Variants in HMGCS1 observed in about 807,000 individuals in gnomAD.
HMGCS1 encodes hydroxymethylglutaryl-CoA synthase, cytoplasmic.
Under a neutral mutation model 52.3 loss-of-function variants are expected in HMGCS1, and 9 were observed. That is an observed-to-expected ratio of 0.17 (90% CI 0.10 to 0.30). HMGCS1 has a LOEUF of 0.30. HMGCS1 is among the 10% of genes least tolerant of loss of function. The pLI is 1.00. For synonymous variants in HMGCS1, 176 were observed against 214.4 expected, an observed-to-expected ratio of 0.82 and a Z score of 1.57; for missense variants, 320 against 620.9, an observed-to-expected ratio of 0.52 and a Z score of 5.15.
chr5:43,306,794 GC>G (rs1195980545), intron 2 of HMGCS1, among the ~76,000 whole-genome samples: 1 of 152,162 alleles, frequency 6.6e-6, no homozygotes, highest in Non-Finnish European at 1.5e-5. Context: ...TAAACAAGGA[GC>G]TTTTGGAGAG....
At chr5:43,300,162 TC>T (rs1754242650) in intron 2 of HMGCS1, among the ~76,000 whole-genome samples, 1 of 152,202 alleles carries the variant, frequency 6.6e-6, no homozygotes, top group African/African-American at 2.4e-5. Flanking sequence ...AGTACTTCCA[TC>T]AGCCCTCTAA....
Position 43,298,597 on chromosome 5 carries a change from G to A in HMGCS1, c.369C>T (p.Ile123=), listed in dbSNP as rs763991747. The A allele has an allele frequency of 1.5e-5, 25 of 1,614,060 alleles. No individual in the cohort carries two copies. The South Asian group carries it at 2.0e-4, about 13-fold the overall frequency. Residue 123 remains isoleucine (I), a synonymous_variant, in exon 3 of 11, where the codon ATC becomes ATT. Coordinates refer to ENST00000325110, the MANE Select transcript of HMGCS1 (RefSeq NM_001098272.3). This position sits in a 1 kb window ranked among gnomAD's most constrained non-coding sequence, Gnocchi z 5.6. ...CTCCATAGCATGCATTAGTTGTGTCGATTCCTTCTATATCTGTATTCCCAG... is the reference window on the plus strand; with the variant it reads ...CTCCATAGCATGCATTAGTTGTGTCAATTCCTTCTATATCTGTATTCCCAG... The part of the protein sequence containing the change: ...EESGNTDIEG[I]DTTNACYGGT...
At chr5:43,303,979 T>C (rs1046586056) in intron 2 of HMGCS1, among the ~76,000 whole-genome samples, 1 of 152,232 alleles carries the variant, frequency 6.6e-6, no homozygotes, top group African/African-American at 2.4e-5. Flanking sequence ...TCTACATCCA[T>C]CCTCACTCTG....
chr5:43,291,309 T>A (rs1753755431), intron 10 of HMGCS1, 89 bp from the exon 11 acceptor site: 4 of 820,428 alleles, frequency 4.9e-6, no homozygotes, highest in African/African-American at 1.7e-5. Context: ...TAAAGAAACT[T>A]AATAAAGGAC....
In HMGCS1 at chr5:43,295,612, G is replaced by A. The variant is rs904664946; in HGVS notation, c.905+140C>T. 4.9e-6 allele frequency: 3 copies of A among 608,916 alleles called. No homozygotes were observed. The African/African-American group carries it at 5.4e-5, about 11-fold the overall frequency. 37.7% of individuals were successfully genotyped at this position (608,916 alleles called of 1,614,324 possible). ...CCTCTCTGGACTTAGATTCTTCACT[G>A]ACTGAGACACACAGATTAGACTGGA... On this transcript the variant is annotated intron_variant, in intron 6 of 10. Transcript: ENST00000325110.
chr5:43,305,238 G>A lies in HMGCS1; in HGVS notation c.-11+2528C>T, dbSNP rs966719094. ...TGACCTCAAGTGATCCACCCGCCTCGGCCTCCCGAAGTGCTGGGATTACAG... is the reference window on the plus strand; with the variant it reads ...TGACCTCAAGTGATCCACCCGCCTCAGCCTCCCGAAGTGCTGGGATTACAG... On this transcript the variant is annotated intron_variant, in intron 2 of 10. Transcript: ENST00000325110. Among the ~76,000 whole-genome samples the A allele has an allele frequency of 5.9e-4, 90 of 151,924 alleles. 2 individuals are homozygous for A. Among genetic ancestry groups the A allele is most frequent in the Non-Finnish European group, 2.2e-4 (15 of 67,960 alleles).
At chr5:43,296,942 C>A in intron 5 of HMGCS1, 60 bp downstream of exon 5, 2 of 1,318,578 alleles carry the variant, frequency 1.5e-6, no homozygotes, top group Non-Finnish European at 2.1e-6. Context: ...ACCAAAGATA[C>A]CTAGTACATT....
At chr5:43,301,050 C>T (rs1716762054) in intron 2 of HMGCS1, among the ~76,000 whole-genome samples, 1 of 152,160 alleles carries the variant, frequency 6.6e-6, no homozygotes, top group African/African-American at 2.4e-5. Flanking sequence ...TGGAGAACTA[C>T]CTAACCCAGC....
At position 43,291,085 on chromosome 5, in the gene HMGCS1, A is replaced by ACCCCCAAACCCCCCC; in HGVS notation, c.*45_*46insGGGGGGGTTTGGGGG. 5.8e-6 allele frequency: 3 copies of ACCCCCAAACCCCCCC among 514,252 alleles called. No homozygotes were observed. Among genetic ancestry groups the ACCCCCAAACCCCCCC allele is most frequent in the East Asian group, 4.5e-5 (1 of 21,994 alleles). The allele number at this position is 514,252 out of a possible 1,614,324, so 31.9% of individuals were successfully genotyped here. On this transcript the variant is annotated 3_prime_UTR_variant, in exon 11 of 11. Coordinates refer to ENST00000325110, the MANE Select transcript of HMGCS1 (RefSeq NM_001098272.3). Reference sequence around the variant, plus strand: ...TTCCTCCAACTGTTCCCATACCCCCACCCCATGCCCACCCCACCCTGAAGT... The same window carrying ACCCCCAAACCCCCCC: ...TTCCTCCAACTGTTCCCATACCCCCACCCCCAAACCCCCCCCCCCATGCCCACCCCACCCTGAAGT...
In HMGCS1 at chr5:43,289,606, G is replaced by C. The variant is rs6814; in HGVS notation, c.*1525C>G. 68,748 of 152,282 alleles carry C rather than the reference G, an allele frequency of 0.45. 16,259 individuals carry two copies. Among genetic ancestry groups the C allele is most frequent in the Middle Eastern group, 0.61 (180 of 294 alleles). 9.4% of individuals were successfully genotyped at this position (152,282 alleles called of 1,614,324 possible). A position where few individuals can be genotyped will look rare whatever the true frequency, so the allele number is the denominator to read the frequency against. ...GCAAAAGTATTACATGCACCATTTT[G>C]CCACCATTCTTTAAATCAGAACTTA... On this transcript the variant is annotated 3_prime_UTR_variant, in exon 11 of 11. Coordinates refer to ENST00000325110, the MANE Select transcript of HMGCS1 (RefSeq NM_001098272.3).
intron 8 of HMGCS1, chr5:43,293,731 TTTG>T: frequency 1.7e-5 from 3 of 174,170 alleles, no homozygotes; most frequent in Non-Finnish European, 2.4e-5. Flanking sequence ...TTTTTTTTTT[TTTG>T]ACAGAGTCTC....
At chr5:43,301,685 T>G (rs748563772) in intron 2 of HMGCS1, among the ~76,000 whole-genome samples, 1 of 152,188 alleles carries the variant, frequency 6.6e-6, no homozygotes, top group Non-Finnish European at 1.5e-5. Context: ...CAGTCACTGG[T>G]GCTGTGAATG....
chr5:43,291,096 A>ACCCCCCCCC lies in HMGCS1; in HGVS notation c.*34_*35insGGGGGGGGG. On this transcript the variant is annotated 3_prime_UTR_variant, in exon 11 of 11. Transcript: ENST00000325110. ...GTTCCCATACCCCCACCCCATGCCC[A>ACCCCCCCCC]CCCCACCCTGAAGTCTTGCACCTCA... is the stretch of plus-strand genomic sequence containing the variant. 1 of 446,582 alleles carries ACCCCCCCCC rather than the reference A, an allele frequency of 2.2e-6. No individual in the cohort carries two copies. 27.7% of individuals were successfully genotyped at this position (446,582 alleles called of 1,614,324 possible).
At chr5:43,311,957 T>C (rs887588183) in intron 1 of HMGCS1, among the ~76,000 whole-genome samples, 9 of 152,186 alleles carry the variant, frequency 5.9e-5, no homozygotes, top group African/African-American at 2.2e-4. Context: ...TCTACAAAGG[T>C]AGACACAAAG....
intron 8 of HMGCS1, 115 bp from the exon 9 acceptor site, chr5:43,293,088 T>C (rs1463645205): frequency 1.3e-6 from 1 of 757,118 alleles, no homozygotes; most frequent in East Asian, 2.6e-5. Flanking sequence ...TCATTAAAAC[T>C]ACTGGCTACT....
rs748520720 is a variant in HMGCS1, at chr5:43,297,047, AGCGGTCTAAT to A, written c.684_693del (p.Leu229AlafsTer24). ...ATCTTTTTGCAGTAGACAGAATAGC[AGCGGTCTAAT>A]GCACTGAGGTAGCACTGTATGGAGA... On this transcript the variant is annotated frameshift_variant, in exon 5 of 11. Coordinates refer to ENST00000325110, the MANE Select transcript of HMGCS1 (RefSeq NM_001098272.3). LOFTEE classifies it high-confidence loss of function. 6.2e-7 allele frequency: 1 copy of A among 1,613,752 alleles called. No homozygotes were observed. Among genetic ancestry groups the A allele is most frequent in the Admixed American group, 1.7e-5 (1 of 60,016 alleles).
intron 2 of HMGCS1, among the ~76,000 whole-genome samples, chr5:43,300,044 G>A (rs1029850750): frequency 1.3e-5 from 2 of 152,176 alleles, no homozygotes; most frequent in Non-Finnish European, 2.9e-5. Flanking sequence ...CTGCTGAGCT[G>A]GAACCCAGAG....
rs1222502410 is a variant in HMGCS1 at position 43,288,469 on chromosome 5, A to G, written c.*2662T>C. 1 of 152,224 alleles carries G rather than the reference A, an allele frequency of 6.6e-6. No individual in the cohort carries two copies. Among genetic ancestry groups the G allele is most frequent in the African/African-American group, 2.4e-5 (1 of 41,458 alleles). 9.4% of individuals were successfully genotyped at this position (152,224 alleles called of 1,614,324 possible). A position where few individuals can be genotyped will look rare whatever the true frequency, so the allele number is the denominator to read the frequency against. On this transcript the variant is annotated 3_prime_UTR_variant, in exon 11 of 11. Coordinates refer to ENST00000325110, the MANE Select transcript of HMGCS1 (RefSeq NM_001098272.3). ...TCTTTCAGGACACTCCAAACAGCAG[A>G]CAAGAGATAAAGTGTTTCAACTGTG... is the stretch of plus-strand genomic sequence containing the variant.
chr5:43,310,732 C>T (rs1399851554), intron 1 of HMGCS1, among the ~76,000 whole-genome samples: 1 of 152,092 alleles, frequency 6.6e-6, no homozygotes, highest in African/African-American at 2.4e-5. Flanking sequence ...TGAGCTGCAG[C>T]ACCATAATGT....
Sources: gnomAD v4.1 joint callset for allele counts (sites outside exome capture counted in the v4.1 genomes callset) on GRCh38, gnomAD v4.1.1 for gene constraint, Gnocchi (gnomAD v3.1) non-coding constraint, MANE v1.5 for transcripts, NCBI Gene and HGNC (gene_info 2026-07-23, HGNC 2026-07-21) for gene names.